The following CNTNAP2 variants were observed in gnomAD, a reference collection of about 807,000 sequenced individuals.
The protein encoded by CNTNAP2 is contactin-associated protein-like 2.
In CNTNAP2, 98 loss-of-function variants were observed where a neutral mutation model predicts 155.2. The observed-to-expected ratio is 0.63, with a 90% CI of 0.54 to 0.75. The LOEUF (loss-of-function observed/expected upper bound fraction) is 0.75, where lower values mean the gene tolerates loss of function less well. Among genes scored for constraint, CNTNAP2 ranks in the 30% least tolerant of loss-of-function variants. The pLI, the probability that CNTNAP2 is intolerant of heterozygous loss-of-function variation, is 0.00. For synonymous variants in CNTNAP2, 651 were observed against 631.2 expected, an observed-to-expected ratio of 1.03 and a Z score of -0.47; for missense variants, 1,727 against 1,688.1, an observed-to-expected ratio of 1.02 and a Z score of -0.40.
At chr7:146,161,881 T>C (rs1299911842) in intron 1 of CNTNAP2, among the ~76,000 whole-genome samples, 1 of 152,190 alleles carries the variant, frequency 6.6e-6, no homozygotes, top group Non-Finnish European at 1.5e-5. Flanking sequence ...ATCTGATCTT[T>C]GACAAACCTG....
chr7:146,442,044 G>A (rs1796327736), intron 1 of CNTNAP2, among the ~76,000 whole-genome samples: 1 of 151,438 alleles, frequency 6.6e-6, no homozygotes, highest in Admixed American at 6.6e-5. Context: ...TCTCTTGGAG[G>A]AGTACTTTCT....
chr7:146,700,013 C>A (rs1460632507), intron 1 of CNTNAP2, among the ~76,000 whole-genome samples: 1 of 152,042 alleles, frequency 6.6e-6, no homozygotes, highest in South Asian at 2.1e-4. Flanking sequence ...ATTTCACAAT[C>A]TGGGCTTTCC....
At chr7:146,381,537 A>G (rs1274672885) in intron 1 of CNTNAP2, among the ~76,000 whole-genome samples, 1 of 152,110 alleles carries the variant, frequency 6.6e-6, no homozygotes, top group Non-Finnish European at 1.5e-5. Flanking sequence ...TAAGGTTTTT[A>G]TGGGGAACTA....
chr7:146,730,846 C>G (rs1801512795), intron 1 of CNTNAP2, among the ~76,000 whole-genome samples: 1 of 151,936 alleles, frequency 6.6e-6, no homozygotes, highest in Non-Finnish European at 1.5e-5. Context: ...TATTCTATAC[C>G]TTAGTTTTAG....
chr7:147,597,408 A>G (rs1047586384), intron 12 of CNTNAP2, among the ~76,000 whole-genome samples: 2 of 152,024 alleles, frequency 1.3e-5, no homozygotes, highest in African/African-American at 2.4e-5. Context: ...GTCCATGTTC[A>G]CCCTAAGGAG....
intron 8 of CNTNAP2, among the ~76,000 whole-genome samples, chr7:147,243,508 G>T (rs1446967605): frequency 6.6e-6 from 1 of 152,012 alleles, no homozygotes; most frequent in Non-Finnish European, 1.5e-5. Context: ...CAGGTTTTAG[G>T]TCACACAGCT....
At chr7:147,340,009 A>G (rs985839906) in intron 9 of CNTNAP2, among the ~76,000 whole-genome samples, 4 of 152,136 alleles carry the variant, frequency 2.6e-5, no homozygotes, top group Non-Finnish European at 5.9e-5. Flanking sequence ...CAGCTAATCT[A>G]CCACATTCAC....
chr7:146,670,874 C>T (rs187734144), intron 1 of CNTNAP2, among the ~76,000 whole-genome samples: 149 of 152,292 alleles, frequency 9.8e-4, no homozygotes, highest in Non-Finnish European at 1.6e-3. Flanking sequence ...TTTTCTATTC[C>T]TAAGATCCCT....
chr7:146,725,924 G>A (rs867010113), intron 1 of CNTNAP2, among the ~76,000 whole-genome samples: 4 of 152,088 alleles, frequency 2.6e-5, no homozygotes, highest in South Asian at 2.1e-4. Context: ...TCTGTCTCCC[G>A]TTCAGCCAGC....
chr7:147,702,554 C>T lies in CNTNAP2; in HGVS notation c.2098+63248C>T, dbSNP rs558477396. The stretch of plus-strand genomic sequence containing the variant: ...CTCGGTGGGAAAATTGTACAGAATG[C>T]GAGTTCTGTAACCTCTGCTTCCTTT... On this transcript the variant is annotated intron_variant, in intron 13 of 23. Transcript: ENST00000361727. 6.7e-5 allele frequency among the ~76,000 whole-genome samples: 10 copies of T among 148,818 alleles called. No individual in the cohort carries two copies. The South Asian group carries it at 1.7e-3, about 26-fold the overall frequency.
chr7:146,224,935 A>C (rs886730092), intron 1 of CNTNAP2, among the ~76,000 whole-genome samples: 1 of 152,186 alleles, frequency 6.6e-6, no homozygotes, highest in African/African-American at 2.4e-5. Context: ...CTTTGCAGTG[A>C]AAGCACTTTG....
intron 3 of CNTNAP2, among the ~76,000 whole-genome samples, chr7:146,892,596 T>C (rs1179325541): frequency 6.6e-6 from 1 of 152,224 alleles, no homozygotes; most frequent in Non-Finnish European, 1.5e-5. Flanking sequence ...GCATCAAATT[T>C]CTTGCCCTAC....
At chr7:146,483,303 A>G (rs1176203515) in intron 1 of CNTNAP2, among the ~76,000 whole-genome samples, 4 of 79,272 alleles carry the variant, frequency 5.0e-5, no homozygotes, top group South Asian at 3.4e-4. Context: ...ATATATATAT[A>G]TATATATATA....
At chr7:148,313,084 C>G (rs563327814) in intron 21 of CNTNAP2, among the ~76,000 whole-genome samples, 140 of 151,506 alleles carry the variant, frequency 9.2e-4, no homozygotes, top group African/African-American at 3.2e-3. Context: ...AGAGTATTGT[C>G]TAAGTTGGCA....
intron 15 of CNTNAP2, among the ~76,000 whole-genome samples, chr7:147,980,061 G>A (rs1441941045): frequency 1.3e-5 from 2 of 152,188 alleles, no homozygotes; most frequent in Admixed American, 6.5e-5. Context: ...AATTTATTGT[G>A]AGGCTGTCAT....
intron 1 of CNTNAP2, among the ~76,000 whole-genome samples, chr7:146,626,797 TGTG>T (rs1799426971): frequency 6.6e-6 from 1 of 152,170 alleles, no homozygotes; most frequent in African/African-American, 2.4e-5. Context: ...TATTGGGGCT[TGTG>T]GTGTTCTTTA....
At chr7:146,530,361 A>G (rs1374197486) in intron 1 of CNTNAP2, among the ~76,000 whole-genome samples, 1 of 152,218 alleles carries the variant, frequency 6.6e-6, no homozygotes, top group African/African-American at 2.4e-5. Context: ...AATGACAGCA[A>G]AAACAAAAAT....
intron 1 of CNTNAP2, among the ~76,000 whole-genome samples, chr7:146,361,773 T>A (rs1268157441): frequency 1.3e-5 from 2 of 149,812 alleles, no homozygotes; most frequent in African/African-American, 4.9e-5. Flanking sequence ...ATTAGCCTAT[T>A]GAAGACATAA....
At chr7:146,472,304 T>G (rs1296985022) in intron 1 of CNTNAP2, among the ~76,000 whole-genome samples, 1 of 152,224 alleles carries the variant, frequency 6.6e-6, no homozygotes, top group East Asian at 1.9e-4. Flanking sequence ...AAGTTTTGTA[T>G]ATTCTGCATC....
Sources: gnomAD v4.1 joint callset for allele counts (sites outside exome capture counted in the v4.1 genomes callset) on GRCh38, gnomAD v4.1.1 for gene constraint, MANE v1.5 for transcripts, NCBI Gene and HGNC (gene_info 2026-07-23, HGNC 2026-07-21) for gene names.